Variants in FGF10 observed in about 807,000 individuals in gnomAD.
FGF10 encodes fibroblast growth factor 10.
In FGF10, 2 loss-of-function variants were observed where a neutral mutation model predicts 19.8. That is an observed-to-expected ratio of 0.10 (90% CI 0.04 to 0.32). The LOEUF is 0.32. Ranked by LOEUF, FGF10 falls within the 10% of genes least tolerant of loss-of-function variation. FGF10 has a pLI of 1.00. For synonymous variants in FGF10, 112 were observed against 94.0 expected, an observed-to-expected ratio of 1.19 and a Z score of -1.10; for missense variants, 191 against 246.3, an observed-to-expected ratio of 0.78 and a Z score of 1.50.
In FGF10 at chr5:44,343,240, GT is replaced by G. The variant is rs1741010632; in HGVS notation, c.326-32711del. Among the ~76,000 whole-genome samples, 3 of 151,908 alleles carry G rather than the reference GT, an allele frequency of 2.0e-5. No individual in the cohort carries two copies. The South Asian group carries it at 6.2e-4, about 31-fold the overall frequency. ...TGAAATCTATGCTATGAATCCTAAA[GT>G]CTTATCAAATGACAAGAAAACAAAG... On this transcript the variant is annotated intron_variant, in intron 1 of 2. Transcript: ENST00000264664.
chr5:44,367,786 A>G (rs1741652775), intron 1 of FGF10, among the ~76,000 whole-genome samples: 1 of 151,932 alleles, frequency 6.6e-6, no homozygotes, highest in Non-Finnish European at 1.5e-5. Context: ...AGTAGTTAAG[A>G]CCATTCACCC....
chr5:44,379,824 A>G (rs1331704864), intron 1 of FGF10, among the ~76,000 whole-genome samples: 1 of 151,964 alleles, frequency 6.6e-6, no homozygotes, highest in Non-Finnish European at 1.5e-5. Context: ...CCAGCAAAGC[A>G]TCTCCTCCTC....
At chr5:44,348,614 C>T (rs1182476269) in intron 1 of FGF10, among the ~76,000 whole-genome samples, 2 of 151,354 alleles carry the variant, frequency 1.3e-5, no homozygotes, top group African/African-American at 2.4e-5. Flanking sequence ...GGTTCCTAGA[C>T]TTAGCAAATA....
chr5:44,334,338 A>T (rs1740798881), intron 1 of FGF10, among the ~76,000 whole-genome samples: 1 of 152,056 alleles, frequency 6.6e-6, no homozygotes, highest in South Asian at 2.1e-4. Flanking sequence ...GAATATTCTA[A>T]GTTTGTTTCT....
At chr5:44,353,123 A>G (rs1273083312) in intron 1 of FGF10, among the ~76,000 whole-genome samples, 1 of 151,658 alleles carries the variant, frequency 6.6e-6, no homozygotes, top group East Asian at 1.9e-4. Context: ...GAATGAGATT[A>G]TGCAGGTAAA....
In FGF10 at chr5:44,302,924, T is replaced by G. The variant is rs1739995895; in HGVS notation, c.*2071A>C. ...AACATTTAATTTTGGTTGTGGGTGGTCTATGTTTATGTGTCAGGTGCAATT... is the reference window on the plus strand; with the variant it reads ...AACATTTAATTTTGGTTGTGGGTGGGCTATGTTTATGTGTCAGGTGCAATT... On this transcript the variant is annotated 3_prime_UTR_variant, in exon 3 of 3. Coordinates refer to ENST00000264664, the MANE Select transcript of FGF10 (RefSeq NM_004465.2). Among the ~76,000 whole-genome samples, 1 of 152,136 alleles carries G rather than the reference T, an allele frequency of 6.6e-6. No homozygotes were observed. Among genetic ancestry groups the G allele is most frequent in the Non-Finnish European group, 1.5e-5 (1 of 68,034 alleles).
At chr5:44,368,006 A>G (rs1297252342) in intron 1 of FGF10, among the ~76,000 whole-genome samples, 1 of 152,024 alleles carries the variant, frequency 6.6e-6, no homozygotes, top group Non-Finnish European at 1.5e-5. Flanking sequence ...GGATTTTTTT[A>G]TAGTTAATGT....
At chr5:44,388,300 C>A in intron 1 of FGF10, 58 bp downstream of exon 1, 2 of 1,524,358 alleles carry the variant, frequency 1.3e-6, no homozygotes, top group South Asian at 2.2e-5. Flanking sequence ...GATTTTTCCC[C>A]CCCGTGTGGG....
intron 1 of FGF10, among the ~76,000 whole-genome samples, chr5:44,366,127 C>CTTTTTTTTTTTTTTTTTTTTTTTTT (rs35522683): frequency 1.3e-5 from 1 of 74,810 alleles, no homozygotes; most frequent in Non-Finnish European, 2.3e-5. Flanking sequence ...CAATTATTTC[C>CTTTTTTTTTTTTTTTTTTTTTTTTT]TTTTTTTTTT....
chr5:44,369,278 A>T (rs1210350815), intron 1 of FGF10, among the ~76,000 whole-genome samples: 1 of 152,056 alleles, frequency 6.6e-6, no homozygotes, highest in Admixed American at 6.6e-5. Flanking sequence ...TTTCTCAATA[A>T]ACCATAAGAC....
At chr5:44,378,896 A>C (rs1331384259) in intron 1 of FGF10, among the ~76,000 whole-genome samples, 1 of 152,186 alleles carries the variant, frequency 6.6e-6, no homozygotes, top group Non-Finnish European at 1.5e-5. Flanking sequence ...TTCATATAGT[A>C]TCCTTTTGAT....
chr5:44,321,450 A>T (rs113375918), intron 1 of FGF10, among the ~76,000 whole-genome samples: 1 of 152,198 alleles, frequency 6.6e-6, no homozygotes. Flanking sequence ...AGCTGCATAA[A>T]CATTCAAGTC....
At chr5:44,343,108 T>C (rs1189275482) in intron 1 of FGF10, among the ~76,000 whole-genome samples, 2 of 152,020 alleles carry the variant, frequency 1.3e-5, no homozygotes, top group Non-Finnish European at 2.9e-5. Context: ...ATGACAGGCA[T>C]TTTGTTTACA....
chr5:44,304,935 A>G lies in FGF10; in HGVS notation c.*60T>C, dbSNP rs947357747. 1 of 1,486,988 alleles carries G rather than the reference A, an allele frequency of 6.7e-7. No individual in the cohort carries two copies. Among genetic ancestry groups the G allele is most frequent in the Admixed American group, 1.7e-5 (1 of 59,840 alleles). 92.1% of individuals were successfully genotyped at this position (1,486,988 alleles called of 1,614,324 possible). ...TCAATCTACTGTCTTCATGAAGAATATCCACTATTCTTGGCAAAAGAGCCA... is the reference window on the plus strand; with the variant it reads ...TCAATCTACTGTCTTCATGAAGAATGTCCACTATTCTTGGCAAAAGAGCCA... On this transcript the variant is annotated 3_prime_UTR_variant, in exon 3 of 3. Coordinates refer to ENST00000264664, the MANE Select transcript of FGF10 (RefSeq NM_004465.2).
At chr5:44,322,748 A>G (rs1168748581) in intron 1 of FGF10, among the ~76,000 whole-genome samples, 1 of 151,986 alleles carries the variant, frequency 6.6e-6, no homozygotes, top group African/African-American at 2.4e-5. Context: ...ACAGCAACCA[A>G]AATGAGATTA....
intron 1 of FGF10, among the ~76,000 whole-genome samples, chr5:44,381,646 A>G (rs1259498323): frequency 1.3e-5 from 2 of 152,226 alleles, no homozygotes; most frequent in Non-Finnish European, 2.9e-5. Context: ...TGAACATGTC[A>G]AGTTGTCCTC....
chr5:44,311,829 C>G (rs1740216871), intron 1 of FGF10, among the ~76,000 whole-genome samples: 1 of 152,102 alleles, frequency 6.6e-6, no homozygotes, highest in Admixed American at 6.6e-5. Flanking sequence ...ATCCCCAATG[C>G]AGTCTACAGA....
Position 44,336,887 on chromosome 5 carries a change from T to C in FGF10, c.326-26357A>G, listed in dbSNP as rs532370343. ...TGAAATCTAGATAGAGGAAGTGACATGGAAGACAAAGAGCGCTTACTAACC... is the reference window on the plus strand; with the variant it reads ...TGAAATCTAGATAGAGGAAGTGACACGGAAGACAAAGAGCGCTTACTAACC... On this transcript the variant is annotated intron_variant, in intron 1 of 2. Transcript: ENST00000264664. Among the ~76,000 whole-genome samples the C allele has an allele frequency of 6.6e-5, 10 of 152,222 alleles. No individual in the cohort carries two copies. In the East Asian group the frequency reaches 1.9e-3, roughly 29 times the overall value.
chr5:44,320,218 T>G (rs529286113), intron 1 of FGF10, among the ~76,000 whole-genome samples: 1 of 152,290 alleles, frequency 6.6e-6, no homozygotes, highest in South Asian at 2.1e-4. Flanking sequence ...ATAAATCAGT[T>G]GCTTACAGAC....
Sources: allele counts gnomAD v4.1 joint callset (sites outside exome capture counted in the v4.1 genomes callset), GRCh38; gene constraint gnomAD v4.1.1; transcripts MANE v1.5; gene names NCBI Gene and HGNC (gene_info 2026-07-23, HGNC 2026-07-21).